The following SH3RF3 variants were observed in gnomAD, a reference collection of about 807,000 sequenced individuals.
The protein encoded by SH3RF3 is E3 ubiquitin-protein ligase SH3RF3.
Under a neutral mutation model 66.3 loss-of-function variants are expected in SH3RF3, and 29 were observed. The ratio of observed to expected loss-of-function variants is 0.44; its 90% confidence interval spans 0.33 to 0.60. The LOEUF is 0.60. Among genes scored for constraint, SH3RF3 ranks in the 20% least tolerant of loss-of-function variants. The probability of loss-of-function intolerance (pLI) is 0.04; values close to 1 mark genes in which losing one functional copy is unlikely to be tolerated. For synonymous variants in SH3RF3, 583 were observed against 532.0 expected (o/e 1.10, Z -1.32); for missense variants, 1,194 against 1,190.9 (o/e 1.00, Z -0.04).
Position 109,490,984 on chromosome 2 carries a change from C to T in SH3RF3, c.2480+48C>T, listed in dbSNP as rs1399788594. 6 of 1,400,360 alleles carry T rather than the reference C, an allele frequency of 4.3e-6. No individual in the cohort carries two copies. In the Admixed American group the frequency reaches 8.6e-5, roughly 20 times the overall value. The allele number at this position is 1,400,360 out of a possible 1,614,324, so 86.7% of individuals were successfully genotyped here. On this transcript the variant is annotated intron_variant, in intron 9 of 9. Coordinates refer to ENST00000309415, the MANE Select transcript of SH3RF3 (RefSeq NM_001099289.3). ...TCTGTGGCATGCTGTGGTTTGGCCT[C>T]TGAGGTCTGGAGCCACCTTCGGGGA... is the stretch of plus-strand genomic sequence containing the variant.
At chr2:109,390,165 A>G (rs943478306) in intron 3 of SH3RF3, among the ~76,000 whole-genome samples, 4 of 152,224 alleles carry the variant, frequency 2.6e-5, no homozygotes, top group Admixed American at 2.6e-4. Context: ...CACTGTCCCA[A>G]CAGAGAGACT....
intron 1 of SH3RF3, among the ~76,000 whole-genome samples, chr2:109,276,827 C>T (rs1680769065): frequency 1.3e-5 from 2 of 151,904 alleles, no homozygotes; most frequent in South Asian, 4.2e-4. Flanking sequence ...ATCTAAGGGG[C>T]CTTATACAAA....
chr2:109,251,875 G>A (rs910647015), intron 1 of SH3RF3, among the ~76,000 whole-genome samples: 5 of 152,084 alleles, frequency 3.3e-5, no homozygotes, highest in African/African-American at 1.2e-4. Flanking sequence ...TAAGAGGATG[G>A]GTTCCAGGGT....
intron 1 of SH3RF3, among the ~76,000 whole-genome samples, chr2:109,175,190 G>C (rs1467049403): frequency 6.6e-6 from 1 of 152,176 alleles, no homozygotes; most frequent in Non-Finnish European, 1.5e-5. Flanking sequence ...CATCATTTCA[G>C]AGTCAGTGGT....
intron 8 of SH3RF3, among the ~76,000 whole-genome samples, chr2:109,485,660 C>A (rs1678949437): frequency 6.6e-6 from 1 of 152,254 alleles, no homozygotes; most frequent in Admixed American, 6.5e-5. Flanking sequence ...TATCAGATTT[C>A]TAGATGATTC....
At chr2:109,228,686 T>C (rs1285387158) in intron 1 of SH3RF3, among the ~76,000 whole-genome samples, 1 of 152,108 alleles carries the variant, frequency 6.6e-6, no homozygotes. Context: ...GAGGGCATGA[T>C]AAAAGATACA....
intron 1 of SH3RF3, among the ~76,000 whole-genome samples, chr2:109,147,873 T>C (rs1409453734): frequency 6.6e-6 from 1 of 152,252 alleles, no homozygotes; most frequent in African/African-American, 2.4e-5. Flanking sequence ...ACATATAAAG[T>C]TAGACCTTTT....
intron 1 of SH3RF3, among the ~76,000 whole-genome samples, chr2:109,318,493 T>C (rs1160478754): frequency 2.0e-5 from 3 of 152,296 alleles, no homozygotes; most frequent in Admixed American, 1.3e-4. Flanking sequence ...GACTGAATCA[T>C]AGCACAATCA....
In SH3RF3 at chr2:109,495,477, CTTTTTTTTTTTTTTTTTTTT is replaced by C. The variant is rs569509984; in HGVS notation, c.2480+4554_2480+4573del. Among the ~76,000 whole-genome samples, 170 of 94,272 alleles carry C rather than the reference CTTTTTTTTTTTTTTTTTTTT, an allele frequency of 1.8e-3. 2 individuals carry two copies. Among genetic ancestry groups the C allele is most frequent in the Non-Finnish European group, 2.5e-3 (125 of 49,396 alleles). The allele number at this position is 94,272 out of a possible 152,430, so 61.8% of individuals were successfully genotyped here. A position where few individuals can be genotyped will look rare whatever the true frequency, so the allele number is the denominator to read the frequency against. ...ATTTCATCCTGAATATCTTTCATTCCTTTTTTTTTTTTTTTTTTTTTTTTTTTTTTTTGAGACAAAGTCTC... is the reference window on the plus strand; with the variant it reads ...ATTTCATCCTGAATATCTTTCATTCCTTTTTTTTTTTTGAGACAAAGTCTC... On this transcript the variant is annotated intron_variant, in intron 9 of 9. Transcript: ENST00000309415.
intron 1 of SH3RF3, among the ~76,000 whole-genome samples, chr2:109,243,046 T>C (rs998832320): frequency 6.6e-6 from 1 of 152,220 alleles, no homozygotes; most frequent in Non-Finnish European, 1.5e-5. Flanking sequence ...TGTCGTGATT[T>C]GTGAGAACAA....
At chr2:109,259,338 C>T (rs1680297539) in intron 1 of SH3RF3, among the ~76,000 whole-genome samples, 1 of 152,176 alleles carries the variant, frequency 6.6e-6, no homozygotes, top group South Asian at 2.1e-4. Flanking sequence ...TACCTGAAGC[C>T]CTCTGAGACC....
chr2:109,264,434 C>A (rs1229032965), intron 1 of SH3RF3, among the ~76,000 whole-genome samples: 1 of 152,220 alleles, frequency 6.6e-6, no homozygotes, highest in Non-Finnish European at 1.5e-5. Flanking sequence ...CACGATCCAC[C>A]CCAAGTCTGT....
At chr2:109,391,445 T>A (rs1279414021) in intron 3 of SH3RF3, among the ~76,000 whole-genome samples, 1 of 152,164 alleles carries the variant, frequency 6.6e-6, no homozygotes, top group Non-Finnish European at 1.5e-5. Flanking sequence ...GGCTCGGGCC[T>A]TCACTCTGGC....
At chr2:109,233,431 G>C (rs139013145) in intron 1 of SH3RF3, among the ~76,000 whole-genome samples, 2 of 152,296 alleles carry the variant, frequency 1.3e-5, no homozygotes, top group African/African-American at 4.8e-5. Context: ...CAGACACTTC[G>C]TGTCTTCCCT....
chr2:109,404,265 G>A (rs1454250749), intron 4 of SH3RF3, among the ~76,000 whole-genome samples: 1 of 152,204 alleles, frequency 6.6e-6, no homozygotes, highest in African/African-American at 2.4e-5. Flanking sequence ...AGGGCTTTAG[G>A]CTGAGGCTTT....
At chr2:109,323,572 A>C (rs1222454417) in intron 1 of SH3RF3, among the ~76,000 whole-genome samples, 1 of 152,182 alleles carries the variant, frequency 6.6e-6, no homozygotes, top group Non-Finnish European at 1.5e-5. Context: ...CCCCCAGCGA[A>C]GCTTGAACTC....
At chr2:109,436,022 A>C (rs1677387493) in intron 6 of SH3RF3, among the ~76,000 whole-genome samples, 1 of 152,126 alleles carries the variant, frequency 6.6e-6, no homozygotes, top group African/African-American at 2.4e-5. Flanking sequence ...TCCCTGCTAG[A>C]GGTCGTGCCC....
At chr2:109,292,789 G>A (rs1681218882) in intron 1 of SH3RF3, among the ~76,000 whole-genome samples, 1 of 152,180 alleles carries the variant, frequency 6.6e-6, no homozygotes, top group African/African-American at 2.4e-5. Flanking sequence ...CTGGAGTGCA[G>A]TGGCATGATC....
rs1015344082 is a variant in SH3RF3 at position 109,446,999 on chromosome 2, C to T, written c.1829-2171C>T. 9.2e-5 allele frequency among the ~76,000 whole-genome samples: 14 copies of T among 151,956 alleles called. No homozygotes were observed. In the East Asian group the frequency reaches 2.7e-3, roughly 29 times the overall value. On this transcript the variant is annotated intron_variant, in intron 7 of 9. Transcript: ENST00000309415. Reference sequence around the variant, plus strand: ...AGACGAATAAATCTCGAGGAGCGGCCTCTGAGTCAGGGTTTCCAGGGTGAT... The same window carrying T: ...AGACGAATAAATCTCGAGGAGCGGCTTCTGAGTCAGGGTTTCCAGGGTGAT...
Sources: allele counts gnomAD v4.1 joint callset (sites outside exome capture counted in the v4.1 genomes callset), GRCh38; gene constraint gnomAD v4.1.1; transcripts MANE v1.5; gene names NCBI Gene and HGNC (gene_info 2026-07-23, HGNC 2026-07-21).